The following SERPINI1 variants were observed in gnomAD, a reference collection of about 807,000 sequenced individuals.
SERPINI1 encodes the protein serpin family I member 1, also known as neuroserpin.
Under a neutral mutation model 41.1 loss-of-function variants are expected in SERPINI1, and 19 were observed. The observed-to-expected ratio is 0.46, with a 90% CI of 0.32 to 0.68. SERPINI1 has a LOEUF of 0.68. Among genes scored for constraint, SERPINI1 ranks in the 30% least tolerant of loss-of-function variants. The pLI is 0.03. For missense variants in SERPINI1, 460 were observed against 479.2 expected (o/e 0.96, Z 0.37); for synonymous variants, 138 against 156.6 (o/e 0.88, Z 0.89).
At chr3:167,807,523 A>G (rs1215295210) in intron 6 of SERPINI1, among the ~76,000 whole-genome samples, 182 bp downstream of exon 6, 1 of 152,214 alleles carries the variant, frequency 6.6e-6, no homozygotes, top group Non-Finnish European at 1.5e-5. Flanking sequence ...TCTTAACATT[A>G]AGTTTATATT....
intron 1 of SERPINI1, among the ~76,000 whole-genome samples, chr3:167,772,970 A>ATATATATGTG (rs1726840546): frequency 1.4e-5 from 2 of 141,278 alleles, no homozygotes; most frequent in East Asian, 2.0e-4. Context: ...ATATGTGTGT[A>ATATATATGTG]TATATATGTA....
At chr3:167,818,158 T>C (rs919266375) in intron 6 of SERPINI1, among the ~76,000 whole-genome samples, 1 of 151,946 alleles carries the variant, frequency 6.6e-6, no homozygotes, top group African/African-American at 2.4e-5. Flanking sequence ...CCCTAGCAGC[T>C]GGGATCACAG....
chr3:167,790,301 T>C (rs1727458412), intron 2 of SERPINI1, 71 bp from the exon 3 acceptor site: 1 of 1,166,888 alleles, frequency 8.6e-7, no homozygotes, highest in East Asian at 2.4e-5. Flanking sequence ...TGTGCTTTAA[T>C]GCTCCTCCAC....
chr3:167,752,687 A>T (rs920766933), intron 1 of SERPINI1, among the ~76,000 whole-genome samples: 9 of 151,746 alleles, frequency 5.9e-5, no homozygotes, highest in African/African-American at 1.9e-4. Context: ...AAAATGCAAC[A>T]TCCTTGCTGC....
At chr3:167,797,766 C>A (rs546448701) in intron 5 of SERPINI1, among the ~76,000 whole-genome samples, 1 of 150,502 alleles carries the variant, frequency 6.6e-6, no homozygotes, top group Non-Finnish European at 1.5e-5. Context: ...TGATAATTGA[C>A]ATTTATATAC....
intron 1 of SERPINI1, among the ~76,000 whole-genome samples, chr3:167,768,200 A>G (rs1248229744): frequency 6.6e-6 from 1 of 152,242 alleles, no homozygotes; most frequent in Non-Finnish European, 1.5e-5. Context: ...ATCAGTGAGC[A>G]GCCATCAACA....
At chr3:167,812,723 T>G (rs1236105357) in intron 6 of SERPINI1, among the ~76,000 whole-genome samples, 1 of 152,232 alleles carries the variant, frequency 6.6e-6, no homozygotes, top group Non-Finnish European at 1.5e-5. Flanking sequence ...TGCTCGATAT[T>G]TATTACATTT....
intron 5 of SERPINI1, among the ~76,000 whole-genome samples, chr3:167,798,592 G>T (rs909645927): frequency 3.3e-5 from 5 of 152,040 alleles, no homozygotes; most frequent in Non-Finnish European, 7.4e-5. Flanking sequence ...AATTTTAATG[G>T]TTTGCATAGT....
chr3:167,782,075 T>C (rs1727149923), intron 1 of SERPINI1, among the ~76,000 whole-genome samples: 1 of 152,224 alleles, frequency 6.6e-6, no homozygotes. Context: ...TAGCACTGTC[T>C]ATTACTATTC....
chr3:167,819,859 T>A (rs1712249261), intron 6 of SERPINI1, among the ~76,000 whole-genome samples: 2 of 152,210 alleles, frequency 1.3e-5, no homozygotes, highest in East Asian at 3.8e-4. Flanking sequence ...CTGAATTAGA[T>A]CTCCTGGAAT....
chr3:167,789,383 G>A lies in SERPINI1; in HGVS notation c.250+5G>A, dbSNP rs1447537890. 1.1e-5 allele frequency: 17 copies of A among 1,613,802 alleles called. No individual in the cohort carries two copies. The highest frequency in any genetic ancestry group is 1.3e-5 in the Non-Finnish European group (15 of 1,179,880). ...GATATGACAGCCTAAAAAATGGTAAGAGTGATCAGGTTTGATTTCTCAAGA... is the reference window on the plus strand; with the variant it reads ...GATATGACAGCCTAAAAAATGGTAAAAGTGATCAGGTTTGATTTCTCAAGA... On this transcript the variant is annotated splice_donor_5th_base_variant and intron_variant, in intron 2 of 8. Coordinates refer to ENST00000446050, the MANE Select transcript of SERPINI1 (RefSeq NM_001122752.2).
rs2229697 is a variant in SERPINI1, at chr3:167,792,684, G to A, written c.576G>A (p.Ser192=). ...TCTATTTCAAGGGGAACTGGAAGTC[G>A]CAGTTTAGGCCTGAAAATACTAGAA... The part of the protein sequence containing the change: ...NAVYFKGNWK[S]QFRPENTRTF... Residue 192 remains serine (S), a synonymous_variant, in exon 4 of 9, where the codon TCG becomes TCA. Transcript: ENST00000446050. The A allele has an allele frequency of 0.098, 157,503 of 1,613,452 alleles. 8,686 individuals carry two copies. Among genetic ancestry groups the A allele is most frequent in the African/African-American group, 0.21 (15,647 of 74,868 alleles).
chr3:167,760,929 T>C (rs2108540045), intron 1 of SERPINI1, among the ~76,000 whole-genome samples: 1 of 152,326 alleles, frequency 6.6e-6, no homozygotes, highest in East Asian at 1.9e-4. Context: ...GCTTGTGTCA[T>C]TGTTTTGGTG....
intron 1 of SERPINI1, among the ~76,000 whole-genome samples, chr3:167,737,228 T>C (rs558319235): frequency 6.6e-6 from 1 of 152,284 alleles, no homozygotes; most frequent in East Asian, 1.9e-4. Flanking sequence ...TCAGTGTGTA[T>C]ACTCTTCCCT....
At chr3:167,769,318 G>C (rs1042961093) in intron 1 of SERPINI1, among the ~76,000 whole-genome samples, 1 of 151,972 alleles carries the variant, frequency 6.6e-6, no homozygotes, top group Non-Finnish European at 1.5e-5. Flanking sequence ...AATTGCCAAC[G>C]ACAGGAAGCC....
intron 6 of SERPINI1, 125 bp downstream of exon 6, chr3:167,807,466 C>A: frequency 1.5e-6 from 1 of 657,990 alleles, no homozygotes; most frequent in Non-Finnish European, 2.7e-6. Flanking sequence ...CCAAATAAAT[C>A]TAGCATGAAA....
intron 6 of SERPINI1, among the ~76,000 whole-genome samples, chr3:167,817,768 T>A (rs1428063322): frequency 6.0e-5 from 9 of 150,832 alleles, no homozygotes; most frequent in African/African-American, 2.2e-4. Flanking sequence ...TGGCTAATTT[T>A]TTTTGTATTT....
chr3:167,770,978 A>T (rs1382102143), intron 1 of SERPINI1, among the ~76,000 whole-genome samples: 1 of 152,206 alleles, frequency 6.6e-6, no homozygotes, highest in Non-Finnish European at 1.5e-5. Flanking sequence ...TACTTAAAAG[A>T]TGAAGGATTC....
intron 1 of SERPINI1, among the ~76,000 whole-genome samples, chr3:167,739,249 TTA>T (rs1381112855): frequency 2.0e-5 from 3 of 152,098 alleles, no homozygotes; most frequent in Admixed American, 1.3e-4. Flanking sequence ...CCTGAGCACT[TTA>T]TGTCATATTC....
Sources: allele counts gnomAD v4.1 joint callset (sites outside exome capture counted in the v4.1 genomes callset), GRCh38; gene constraint gnomAD v4.1.1; transcripts MANE v1.5; gene names NCBI Gene and HGNC (gene_info 2026-07-23, HGNC 2026-07-21).